The following JARID2 variants were observed in gnomAD, a reference collection of about 807,000 sequenced individuals.
JARID2 encodes jumonji and AT-rich interaction domain containing 2.
JARID2 carries 21 observed loss-of-function variants against 125.6 expected under a neutral mutation model. The observed-to-expected ratio is 0.17, with a 90% CI of 0.12 to 0.24. JARID2 has a LOEUF of 0.24. JARID2 is among the 10% of genes least tolerant of loss of function. The probability of loss-of-function intolerance (pLI) is 1.00; values close to 1 mark genes in which losing one functional copy is unlikely to be tolerated. For synonymous variants in JARID2, 736 were observed against 661.6 expected (o/e 1.11, Z -1.73); for missense variants, 1,303 against 1,639.6 (o/e 0.79, Z 3.55).
chr6:15,491,768 C>T (rs1770161473), intron 6 of JARID2, among the ~76,000 whole-genome samples: 1 of 151,940 alleles, frequency 6.6e-6, no homozygotes. Context: ...TTGTGTGTGT[C>T]GGTGGTGGGG....
At chr6:15,399,217 C>CTTCT (rs1172725786) in intron 2 of JARID2, among the ~76,000 whole-genome samples, 6 of 152,132 alleles carry the variant, frequency 3.9e-5, no homozygotes, top group Non-Finnish European at 7.3e-5. Context: ...CTTCTCCAGC[C>CTTCT]TTCTATGTTC....
chr6:15,497,851 A>C (rs1174965837), intron 7 of JARID2, among the ~76,000 whole-genome samples: 1 of 152,094 alleles, frequency 6.6e-6, no homozygotes, highest in Non-Finnish European at 1.5e-5. Flanking sequence ...AGGGGCCAGC[A>C]GGGTTGGTTT....
intron 13 of JARID2, 146 bp from the exon 14 acceptor site, chr6:15,512,062 G>A (rs886153660): frequency 1.5e-6 from 1 of 679,132 alleles, no homozygotes; most frequent in African/African-American, 1.8e-5. Flanking sequence ...TCCTTCTTGT[G>A]TTATGAATGA....
chr6:15,247,673 AC>A, intron 1 of JARID2: 1 of 985,130 alleles, frequency 1.0e-6, no homozygotes, highest in Non-Finnish European at 1.2e-6. Flanking sequence ...ATGAGAGATG[AC>A]CTTCGGGGCA....
intron 2 of JARID2, among the ~76,000 whole-genome samples, chr6:15,399,626 G>A (rs1001018544): frequency 1.9e-4 from 29 of 152,152 alleles, no homozygotes; most frequent in African/African-American, 6.5e-4. Flanking sequence ...GAGAATACCC[G>A]CTAGCCTGGG....
chr6:15,282,540 TTCTC>T (rs1299969171), intron 1 of JARID2, among the ~76,000 whole-genome samples: 3 of 151,988 alleles, frequency 2.0e-5, no homozygotes, highest in Non-Finnish European at 2.9e-5. Flanking sequence ...TTCTCTCTCT[TTCTC>T]TCTCTGTCTT....
At chr6:15,290,004 C>G (rs751889315) in intron 1 of JARID2, among the ~76,000 whole-genome samples, 1 of 152,172 alleles carries the variant, frequency 6.6e-6, no homozygotes, top group African/African-American at 2.4e-5. Context: ...TAGTGAGCTT[C>G]TATTGCTGTA....
At chr6:15,455,648 C>T (rs1768129855) in intron 4 of JARID2, among the ~76,000 whole-genome samples, 1 of 152,198 alleles carries the variant, frequency 6.6e-6, no homozygotes, top group African/African-American at 2.4e-5. Flanking sequence ...TCTCCTGCCT[C>T]AGCCTCCCGA....
At chr6:15,370,330 G>GTTTTT (rs33981169) in intron 1 of JARID2, among the ~76,000 whole-genome samples, 1 of 114,268 alleles carries the variant, frequency 8.8e-6, no homozygotes, top group Non-Finnish European at 1.8e-5. Flanking sequence ...TATCTGGGCT[G>GTTTTT]TTTTTTTTTT....
chr6:15,355,005 A>T (rs1763550628), intron 1 of JARID2, among the ~76,000 whole-genome samples: 1 of 152,164 alleles, frequency 6.6e-6, no homozygotes, highest in Non-Finnish European at 1.5e-5. Flanking sequence ...AGAAAGAAAT[A>T]ATTGAAAGTC....
chr6:15,270,932 CTCCCTCT>C (rs1760273897), intron 1 of JARID2, among the ~76,000 whole-genome samples: 1 of 151,332 alleles, frequency 6.6e-6, no homozygotes, highest in Admixed American at 6.6e-5. Context: ...CAGAGCAAGG[CTCCCTCT>C]CAAAAAAAAA....
chr6:15,499,694 C>T (rs1770637071), intron 7 of JARID2, among the ~76,000 whole-genome samples: 1 of 152,130 alleles, frequency 6.6e-6, no homozygotes, highest in Admixed American at 6.5e-5. Flanking sequence ...TGTGGAGTCT[C>T]AGTTCTTAGG....
chr6:15,415,879 C>T (rs561358195), intron 3 of JARID2, among the ~76,000 whole-genome samples: 128 of 149,678 alleles, frequency 8.6e-4, no homozygotes, highest in African/African-American at 3.0e-3. Context: ...CTGACCCCCA[C>T]CTCCCTCCCG....
At chr6:15,507,001 A>T in intron 9 of JARID2, 135 bp from the exon 10 acceptor site, 1 of 650,090 alleles carries the variant, frequency 1.5e-6, no homozygotes, top group Non-Finnish European at 2.8e-6. Flanking sequence ...CCTGCTGGAG[A>T]CACTCTGCAA....
chr6:15,431,375 C>G (rs114559505), intron 3 of JARID2, among the ~76,000 whole-genome samples: 2 of 152,132 alleles, frequency 1.3e-5, no homozygotes, highest in East Asian at 1.9e-4. Context: ...GTCTCATAAA[C>G]GATGCCTTCC....
chr6:15,304,260 TC>T (rs1409678846), intron 1 of JARID2, among the ~76,000 whole-genome samples: 11 of 83,936 alleles, frequency 1.3e-4, no homozygotes, highest in African/African-American at 4.6e-4. Context: ...CTCCTTTTCC[TC>T]CCTCCTGGAG....
At chr6:15,377,790 C>T (rs545319858) in intron 2 of JARID2, among the ~76,000 whole-genome samples, 1 of 152,026 alleles carries the variant, frequency 6.6e-6, no homozygotes, top group African/African-American at 2.4e-5. Context: ...CTTCGGCCTC[C>T]CAAAGTGCTG....
intron 1 of JARID2, among the ~76,000 whole-genome samples, chr6:15,303,985 T>G (rs1283418319): frequency 6.6e-6 from 1 of 152,202 alleles, no homozygotes; most frequent in African/African-American, 2.4e-5. Flanking sequence ...GCTGTGTGAC[T>G]CTAGGCACGT....
intron 1 of JARID2, among the ~76,000 whole-genome samples, chr6:15,306,057 C>G (rs1039245591): frequency 6.6e-6 from 1 of 152,180 alleles, no homozygotes; most frequent in Non-Finnish European, 1.5e-5. Flanking sequence ...TTCTAAACGT[C>G]AGATTTTTAG....
Sources: allele counts gnomAD v4.1 joint callset (sites outside exome capture counted in the v4.1 genomes callset), GRCh38; gene constraint gnomAD v4.1.1; transcripts MANE v1.5; gene names NCBI Gene and HGNC (gene_info 2026-07-23, HGNC 2026-07-21).